CAMTA1: variants seen among roughly 807,000 people sequenced by gnomAD.
CAMTA1 encodes calmodulin-binding transcription activator 1.
A neutral mutation model predicts 170.9 loss-of-function variants in CAMTA1; 27 were observed. The ratio of observed to expected loss-of-function variants is 0.16; its 90% CI spans 0.12 to 0.22. CAMTA1 has a LOEUF of 0.22. Ranked by LOEUF, CAMTA1 falls within the 10% of genes least tolerant of loss-of-function variation. The pLI is 1.00. For synonymous variants in CAMTA1, 833 were observed against 891.5 expected (o/e 0.93, Z 1.17); for missense variants, 1,619 against 2,217.2 (o/e 0.73, Z 5.42).
intron 3 of CAMTA1, among the ~76,000 whole-genome samples, chr1:6,969,390 G>C (rs927749659): frequency 1.3e-5 from 2 of 152,222 alleles, no homozygotes; most frequent in Non-Finnish European, 2.9e-5. Context: ...GGAGTGAGCG[G>C]CTAGGTTGGG....
chr1:6,915,690 G>A (rs559308858), intron 3 of CAMTA1, among the ~76,000 whole-genome samples: 3 of 152,326 alleles, frequency 2.0e-5, no homozygotes, highest in Non-Finnish European at 2.9e-5. Context: ...AGAAGCAGCA[G>A]CCGGCCTCTG....
intron 6 of CAMTA1, among the ~76,000 whole-genome samples, chr1:7,535,258 C>A (rs902946757): frequency 6.6e-6 from 1 of 151,954 alleles, no homozygotes; most frequent in African/African-American, 2.4e-5. Flanking sequence ...CCTGGCAGGG[C>A]CCCCGGTCCT....
intron 3 of CAMTA1, among the ~76,000 whole-genome samples, chr1:6,911,637 G>A (rs1292141560): frequency 1.3e-5 from 2 of 152,144 alleles, no homozygotes; most frequent in Non-Finnish European, 2.9e-5. Context: ...GGGCTGAGAA[G>A]CCCCCTGTCC....
chr1:6,908,948 C>T (rs66651240), intron 3 of CAMTA1, among the ~76,000 whole-genome samples: 12,380 of 152,192 alleles, frequency 0.081, 521 homozygotes, highest in Middle Eastern at 0.11. Flanking sequence ...TGAAACTGCT[C>T]GATCAATTTA....
intron 4 of CAMTA1, among the ~76,000 whole-genome samples, chr1:7,110,963 C>G (rs1285563008): frequency 6.6e-6 from 1 of 152,224 alleles, no homozygotes; most frequent in Non-Finnish European, 1.5e-5. Context: ...TCTCACTGAG[C>G]TGAAATTAAG....
In CAMTA1 at chr1:6,902,077, A is replaced by AAAAAAAAAT. The variant is rs1385758257; in HGVS notation, c.234+76873_234+76874insAATAAAAAA. 1.7e-3 allele frequency among the ~76,000 whole-genome samples: 123 copies of AAAAAAAAAT among 70,864 alleles called. 1 individual carries two copies. Among genetic ancestry groups the AAAAAAAAAT allele is most frequent in the African/African-American group, 4.1e-3 (117 of 28,398 alleles). The allele number at this position is 70,864 out of a possible 152,430, so 46.5% of individuals were successfully genotyped here. A position where few individuals can be genotyped will look rare whatever the true frequency, so the allele number is the denominator to read the frequency against. On this transcript the variant is annotated intron_variant, in intron 3 of 22. Transcript: ENST00000303635. ...CACACACACACACACACACACAAAA[A>AAAAAAAAAT]AAAAAATAAAAATAAAAACTCGTAC...
chr1:7,527,193 C>T (rs1181626829), intron 6 of CAMTA1, among the ~76,000 whole-genome samples: 1 of 152,130 alleles, frequency 6.6e-6, no homozygotes, highest in African/African-American at 2.4e-5. Context: ...TGACTCATAC[C>T]CTAACCCCAT....
chr1:7,493,645 G>A (rs1420168134), intron 6 of CAMTA1, among the ~76,000 whole-genome samples: 1 of 306 alleles, frequency 3.3e-3, no homozygotes, highest in South Asian at 0.056. Flanking sequence ...CAGGGAACTG[G>A]GGGGGGGGGG....
chr1:7,273,860 T>C (rs767261920), intron 5 of CAMTA1, among the ~76,000 whole-genome samples: 24 of 152,160 alleles, frequency 1.6e-4, no homozygotes, highest in Non-Finnish European at 3.2e-4. Context: ...AGTGGAAGTA[T>C]ATTGTTGAAA....
intron 5 of CAMTA1, among the ~76,000 whole-genome samples, chr1:7,296,000 G>C (rs1673881382): frequency 6.6e-6 from 1 of 152,220 alleles, no homozygotes; most frequent in Admixed American, 6.5e-5. Context: ...AGGTTCAACT[G>C]AGTCAAAATC....
In CAMTA1 at chr1:7,577,654, G is replaced by T. The variant is rs574562826; in HGVS notation, c.511-62746G>T. ...ATGTTCTTCACACTCACACCGTCCT[G>T]CATGTCTTTACAGTGGTCTCATAAG... On this transcript the variant is annotated intron_variant, in intron 6 of 22. Transcript: ENST00000303635. Among the ~76,000 whole-genome samples, 161 of 152,086 alleles carry T rather than the reference G, an allele frequency of 1.1e-3. 2 individuals are homozygous for T. The highest frequency in any genetic ancestry group is 7.3e-3 in the South Asian group (35 of 4,798).
chr1:7,677,253 G>A (rs2149273076), intron 10 of CAMTA1, among the ~76,000 whole-genome samples: 1 of 152,332 alleles, frequency 6.6e-6, no homozygotes, highest in East Asian at 1.9e-4. Flanking sequence ...AAGAGGGGAA[G>A]TCAGCCAGCC....
At chr1:7,551,486 T>C (rs2094802203) in intron 6 of CAMTA1, among the ~76,000 whole-genome samples, 1 of 152,178 alleles carries the variant, frequency 6.6e-6, no homozygotes, top group Non-Finnish European at 1.5e-5. Context: ...ATGCCTGAAG[T>C]GGCCTTGAGC....
intron 19 of CAMTA1, 142 bp downstream of exon 19, chr1:7,747,923 T>A (rs2096868458): frequency 3.5e-6 from 2 of 569,522 alleles, no homozygotes; most frequent in Admixed American, 3.6e-5. Context: ...TTTTTTTATT[T>A]TTTTTTTGAA....
At chr1:6,902,078 A>AAAAAAT (rs1553180480) in intron 3 of CAMTA1, among the ~76,000 whole-genome samples, 1 of 86,498 alleles carries the variant, frequency 1.2e-5, no homozygotes, top group African/African-American at 3.5e-5. Context: ...CACACAAAAA[A>AAAAAAT]AAAAATAAAA....
rs1452483553 is a variant in CAMTA1 at position 7,024,044 on chromosome 1, AAG to A, written c.235-67258_235-67257del. On this transcript the variant is annotated intron_variant, in intron 3 of 22. Coordinates refer to ENST00000303635, the MANE Select transcript of CAMTA1 (RefSeq NM_015215.4). ...ACTCTGTCTCAAAAAAAAAAAAAAAAAGAAAGAAAGAAAGAAAGAAACAAATA... is the reference window on the plus strand; with the variant it reads ...ACTCTGTCTCAAAAAAAAAAAAAAAAAAAGAAAGAAAGAAAGAAACAAATA... Among the ~76,000 whole-genome samples, 1,060 of 144,352 alleles carry A rather than the reference AAG, an allele frequency of 7.3e-3. 20 individuals carry two copies. The highest frequency in any genetic ancestry group is 0.028 in the African/African-American group (990 of 35,314). 94.7% of individuals were successfully genotyped at this position (144,352 alleles called of 152,430 possible).
intron 1 of CAMTA1, among the ~76,000 whole-genome samples, chr1:6,810,990 A>G (rs911297884): frequency 6.6e-6 from 1 of 152,224 alleles, no homozygotes; most frequent in Non-Finnish European, 1.5e-5. Context: ...GTGCAGTTCC[A>G]GTTGAAAGTT....
intron 5 of CAMTA1, among the ~76,000 whole-genome samples, chr1:7,284,439 T>C (rs974821693): frequency 1.3e-5 from 2 of 152,082 alleles, no homozygotes; most frequent in African/African-American, 2.4e-5. Flanking sequence ...CCTGACCTCG[T>C]GATCTGCCCG....
At chr1:7,116,036 A>G (rs1161458563) in intron 4 of CAMTA1, among the ~76,000 whole-genome samples, 2 of 152,194 alleles carry the variant, frequency 1.3e-5, no homozygotes, top group Admixed American at 1.3e-4. Context: ...AGATTGACAC[A>G]TAACATTTTA....
Sources: gnomAD v4.1 joint callset for allele counts (sites outside exome capture counted in the v4.1 genomes callset) on GRCh38, gnomAD v4.1.1 for gene constraint, MANE v1.5 for transcripts, NCBI Gene and HGNC (gene_info 2026-07-23, HGNC 2026-07-21) for gene names.